Variants in NEB observed in about 807,000 individuals in gnomAD.
NEB encodes the protein nemaline myopathy type 2.
In NEB, 512 loss-of-function variants were observed where a neutral mutation model predicts 952.2. That is an observed-to-expected ratio of 0.54 (90% CI 0.50 to 0.58). NEB has a LOEUF of 0.58. Ranked by LOEUF, NEB falls within the 20% of genes least tolerant of loss-of-function variation. The pLI is 0.00. For synonymous variants in NEB, 2,900 were observed against 3,149.8 expected, an observed-to-expected ratio of 0.92 and a Z score of 2.66; for missense variants, 8,428 against 9,231.1, an observed-to-expected ratio of 0.91 and a Z score of 3.56.
chr2:151,567,943 AAGCCTGGCC>A, intron 113 of NEB, 119 bp downstream of exon 113: 2 of 667,970 alleles, frequency 3.0e-6, no homozygotes, highest in Middle Eastern at 8.2e-4. Flanking sequence ...AACCATCACC[AAGCCTGGCC>A]AGGTCTGCCA....
chr2:151,721,515 C>T (rs2099774033), intron 9 of NEB, among the ~76,000 whole-genome samples: 1 of 152,212 alleles, frequency 6.6e-6, no homozygotes, highest in African/African-American at 2.4e-5. Context: ...CCACCACCTC[C>T]ACATGGCCTT....
chr2:151,576,025 C>T (rs1176544229), intron 106 of NEB, 126 bp downstream of exon 106: 5 of 768,732 alleles, frequency 6.5e-6, no homozygotes, highest in Middle Eastern at 3.9e-4. Context: ...CAAGACAATA[C>T]TGTATTACTT....
chr2:151,568,636 A>C lies in NEB; in HGVS notation c.17616T>G (p.Ser5872Arg). 1 of 1,608,638 alleles carries C rather than the reference A, an allele frequency of 6.2e-7. No homozygotes were observed. The highest frequency in any genetic ancestry group is 2.2e-5 in the East Asian group (1 of 44,734). Residue 5872 changes from serine to arginine, a missense_variant, in exon 111 of 182, where the codon AGT becomes AGG. Ser to Arg is a moderately radical substitution (Grantham distance 110). Transcript: ENST00000397345. ...DRVDYVTAKQ[S>R]GEILDDIKYR... ...TACTTACATCATCGAGGATCTCGCC[A>C]CTTTGTTTCGCTGTCACATAATCAA...
chr2:151,632,567 C>T (rs2098690187), intron 65 of NEB, among the ~76,000 whole-genome samples: 1 of 150,552 alleles, frequency 6.6e-6, no homozygotes. Flanking sequence ...ATTCCAGCTG[C>T]AGGGAGGCTG....
intron 36 of NEB, among the ~76,000 whole-genome samples, chr2:151,674,167 T>C (rs540205453): frequency 6.6e-6 from 1 of 152,290 alleles, no homozygotes; most frequent in East Asian, 1.9e-4. Context: ...TTTAATGTGG[T>C]AATGTCAGTC....
intron 52 of NEB, among the ~76,000 whole-genome samples, chr2:151,652,041 C>A (rs1318790933): frequency 1.3e-5 from 2 of 151,914 alleles, no homozygotes; most frequent in African/African-American, 2.4e-5. Context: ...CAAAGGAGGG[C>A]AAATATGAAA....
At chr2:151,561,899 G>C (rs1305530776) in intron 121 of NEB, among the ~76,000 whole-genome samples, 1 of 152,136 alleles carries the variant, frequency 6.6e-6, no homozygotes, top group Non-Finnish European at 1.5e-5. Flanking sequence ...TTATAAATGT[G>C]CATTGCCTTA....
intron 73 of NEB, 124 bp downstream of exon 73, chr2:151,619,327 A>T: frequency 9.0e-7 from 1 of 1,111,262 alleles, no homozygotes; most frequent in Non-Finnish European, 1.3e-6. Flanking sequence ...AACTCCTTTC[A>T]GACATTTAAT....
intron 13 of NEB, among the ~76,000 whole-genome samples, chr2:151,705,662 G>T (rs1222101658): frequency 1.3e-5 from 2 of 152,104 alleles, no homozygotes; most frequent in Non-Finnish European, 2.9e-5. Context: ...CAAAGATGTG[G>T]AACCAACCTG....
intron 105 of NEB, among the ~76,000 whole-genome samples, chr2:151,578,111 G>A (rs1412820075): frequency 1.3e-5 from 2 of 152,110 alleles, no homozygotes; most frequent in Non-Finnish European, 2.9e-5. Context: ...AAGTACCTCT[G>A]GAAGCTTAAG....
chr2:151,559,840 G>A (rs536004370), intron 124 of NEB, among the ~76,000 whole-genome samples: 1 of 152,142 alleles, frequency 6.6e-6, no homozygotes, highest in African/African-American at 2.4e-5. Context: ...ACCTAATGTA[G>A]ATGATGGGTT....
rs1366647360 is a variant in NEB, at chr2:151,609,971, G to T, written c.12168C>A (p.Thr4056=). 1 of 1,613,748 alleles carries T rather than the reference G, an allele frequency of 6.2e-7. No homozygotes were observed. Among genetic ancestry groups the T allele is most frequent in the African/African-American group, 1.3e-5 (1 of 74,898 alleles). ...EYKKEFQKWK[T]KFSSPVDMLS... ...ACATGTCCACTGGGCTAGAGAACTTGGTTTTCCACTTTTGGAATTCCTTCT... is the reference window on the plus strand; with the variant it reads ...ACATGTCCACTGGGCTAGAGAACTTTGTTTTCCACTTTTGGAATTCCTTCT... Residue 4056 remains threonine (T), a synonymous_variant, in exon 81 of 182, where the codon ACC becomes ACA. Coordinates refer to ENST00000397345, the MANE Select transcript of NEB (RefSeq NM_001164508.2).
At chr2:151,610,165 A>C (rs2153972695) in intron 80 of NEB, 45 bp from the exon 81 acceptor site, 1 of 1,484,876 alleles carries the variant, frequency 6.7e-7, no homozygotes, top group East Asian at 2.3e-5. Context: ...TTTTAAAACC[A>C]TGCTCATGTG....
chr2:151,679,668 G>GGC, intron 32 of NEB, 53 bp downstream of exon 32: 2 of 310,082 alleles, frequency 6.4e-6, no homozygotes, highest in East Asian at 6.8e-5. Flanking sequence ...CAGACCCCAA[G>GGC]CCCACCCACC....
intron 114 of NEB, among the ~76,000 whole-genome samples, chr2:151,566,945 T>A (rs7557092): frequency 0.22 from 33,722 of 152,124 alleles, 4,531 homozygotes; most frequent in Non-Finnish European, 0.3. Flanking sequence ...AGATTTTTTT[T>A]AAAAAAATTT....
Position 151,579,157 on chromosome 2 carries a change from T to C in NEB, c.16704+181A>G, listed in dbSNP as rs545449022. Reference sequence around the variant, plus strand: ...CATTAACAAATCTATAGGAAAATTCTGGTAGCACCTTTAACAATGAAAACT... The same window carrying C: ...CATTAACAAATCTATAGGAAAATTCCGGTAGCACCTTTAACAATGAAAACT... On this transcript the variant is annotated intron_variant, in intron 105 of 181. Coordinates refer to ENST00000397345, the MANE Select transcript of NEB (RefSeq NM_001164508.2). Among the ~76,000 whole-genome samples the C allele has an allele frequency of 1.2e-4, 18 of 144,466 alleles. No homozygotes were observed. The East Asian group carries it at 3.3e-3, about 27-fold the overall frequency. 94.8% of individuals were successfully genotyped at this position (144,466 alleles called of 152,430 possible).
intron 3 of NEB, among the ~76,000 whole-genome samples, chr2:151,730,269 A>G (rs2099802918): frequency 6.6e-6 from 1 of 152,094 alleles, no homozygotes. Flanking sequence ...TAATATGAAA[A>G]CTGGTAAATG....
At chr2:151,504,672 A>G (rs375024246) in intron 165 of NEB, among the ~76,000 whole-genome samples, 1 of 152,296 alleles carries the variant, frequency 6.6e-6, no homozygotes, top group East Asian at 1.9e-4. Flanking sequence ...GCCATAAACT[A>G]TTTCCCAAAC....
rs753198978 is a variant in NEB, at chr2:151,627,081, G to A, written c.10268C>T (p.Pro3423Leu). 1.5e-5 allele frequency: 25 copies of A among 1,613,764 alleles called. No homozygotes were observed. The highest frequency in any genetic ancestry group is 1.6e-4 in the Middle Eastern group (1 of 6,084). ...CACACTGGTAAATTTCAGCTTGTCC[G>A]GAGGCTGGCGGTAGATGTTATCACT... ...ILSDNIYRQP[P>L]DKLKFTSVTD... is the part of the protein sequence containing the mutation. Residue 3423 changes from proline to leucine, a missense_variant, in exon 70 of 182, where the codon CCG (proline) becomes CTG (leucine). Pro to Leu is a moderately conservative substitution (Grantham distance 98). Coordinates refer to ENST00000397345, the MANE Select transcript of NEB (RefSeq NM_001164508.2).
Sources: gnomAD v4.1 joint callset for allele counts (sites outside exome capture counted in the v4.1 genomes callset) on GRCh38, gnomAD v4.1.1 for gene constraint, MANE v1.5 for transcripts, NCBI Gene and HGNC (gene_info 2026-07-23, HGNC 2026-07-21) for gene names.